YPEL5: variants seen among roughly 807,000 people sequenced by gnomAD.
The protein encoded by YPEL5 is protein yippee-like 5.
A neutral mutation model predicts 10.5 loss-of-function variants in YPEL5; 1 was observed. The ratio of observed to expected loss-of-function variants is 0.10; its 90% CI spans 0.03 to 0.45. YPEL5 has a LOEUF of 0.45. Among genes scored for constraint, YPEL5 ranks in the 20% least tolerant of loss-of-function variants. The probability of loss-of-function intolerance (pLI) is 0.97; values close to 1 mark genes in which losing one functional copy is unlikely to be tolerated. For synonymous variants in YPEL5, 61 were observed against 56.6 expected (o/e 1.08, Z -0.35); for missense variants, 68 against 159.3 (o/e 0.43, Z 3.09).
chr2:30,155,601 A>G (rs186186553), intron 1 of YPEL5, among the ~76,000 whole-genome samples: 1 of 152,378 alleles, frequency 6.6e-6, no homozygotes, highest in South Asian at 2.1e-4. Context: ...ATTCTTGACT[A>G]TATCTAGATC....
chr2:30,156,408 G>T, intron 1 of YPEL5: 1 of 437,988 alleles, frequency 2.3e-6, no homozygotes, highest in Non-Finnish European at 4.1e-6. Flanking sequence ...TACTTCCTTG[G>T]CTCACTGCTT....
At chr2:30,152,911 GT>G (rs1675874268) in intron 1 of YPEL5, among the ~76,000 whole-genome samples, 4 of 74,670 alleles carry the variant, frequency 5.4e-5, no homozygotes, top group Admixed American at 1.4e-4. Context: ...TTTTTTTTTG[GT>G]TTTTTTGAGA....
intron 1 of YPEL5, among the ~76,000 whole-genome samples, chr2:30,150,147 T>G (rs1675715406): frequency 6.6e-6 from 1 of 152,252 alleles, no homozygotes; most frequent in Non-Finnish European, 1.5e-5. Context: ...TATCACCTGG[T>G]TGCTTAGCTT....
chr2:30,156,163 CTCT>C (rs550094008), intron 1 of YPEL5, among the ~76,000 whole-genome samples: 97 of 152,336 alleles, frequency 6.4e-4, no homozygotes, highest in African/African-American at 1.6e-3. Context: ...CCAGACTACT[CTCT>C]TCTTGTTTTC....
chr2:30,158,861 C>T lies in YPEL5; in HGVS notation c.*18C>T, dbSNP rs778026286. On this transcript the variant is annotated 3_prime_UTR_variant, in exon 3 of 3. Transcript: ENST00000261353. The stretch of plus-strand genomic sequence containing the variant: ...ACTCTTGAAGATACAGAGAGAAATC[C>T]ATCTTTTCCCAGGTCTCCTTCACTG... The T allele has an allele frequency of 5.0e-6, 8 of 1,610,910 alleles. No homozygotes were observed. Among genetic ancestry groups the T allele is most frequent in the Non-Finnish European group, 6.8e-6 (8 of 1,177,572 alleles).
chr2:30,152,004 C>G (rs762881261), intron 1 of YPEL5, among the ~76,000 whole-genome samples: 1 of 152,102 alleles, frequency 6.6e-6, no homozygotes, highest in Non-Finnish European at 1.5e-5. Flanking sequence ...GGTATTGGCT[C>G]CAGGCTGGTG....
intron 1 of YPEL5, among the ~76,000 whole-genome samples, chr2:30,152,441 AT>A (rs1675843073): frequency 6.6e-6 from 1 of 152,194 alleles, no homozygotes; most frequent in South Asian, 2.1e-4. Context: ...TCCAAAAGTG[AT>A]TTAGGAAGTC....
Position 30,159,157 on chromosome 2 carries a change from A to G in YPEL5, c.*314A>G, listed in dbSNP as rs1676171965. 7.7e-6 allele frequency: 2 copies of G among 259,324 alleles called. No homozygotes were observed. Among genetic ancestry groups the G allele is most frequent in the Non-Finnish European group, 1.5e-5 (2 of 135,724 alleles). 16.1% of individuals were successfully genotyped at this position (259,324 alleles called of 1,614,324 possible). A position where few individuals can be genotyped will look rare whatever the true frequency, so the allele number is the denominator to read the frequency against. ...TAAGGAAAAAAATCTGGGCTGTTAG[A>G]GTGAAAAAGTGTGTTTTATGTCAAT... On this transcript the variant is annotated 3_prime_UTR_variant, in exon 3 of 3. Coordinates refer to ENST00000261353, the MANE Select transcript of YPEL5 (RefSeq NM_016061.3).
chr2:30,149,388 A>G (rs56114640), intron 1 of YPEL5, among the ~76,000 whole-genome samples: 2,665 of 152,326 alleles, frequency 0.017, 31 homozygotes, highest in South Asian at 0.035. Flanking sequence ...GCAAGAGGAA[A>G]GCAGAGCTTG....
At chr2:30,155,657 C>A (rs972027265) in intron 1 of YPEL5, among the ~76,000 whole-genome samples, 1 of 152,198 alleles carries the variant, frequency 6.6e-6, no homozygotes, top group African/African-American at 2.4e-5. Flanking sequence ...GATTTAAGAA[C>A]TTGCATATAG....
At chr2:30,158,377 G>A (rs1253314010) in intron 2 of YPEL5, among the ~76,000 whole-genome samples, 1 of 152,156 alleles carries the variant, frequency 6.6e-6, no homozygotes, top group African/African-American at 2.4e-5. Context: ...TGTTTAAATA[G>A]TGTGACTTAG....
chr2:30,153,692 T>C (rs1377299421), intron 1 of YPEL5, among the ~76,000 whole-genome samples: 6 of 152,264 alleles, frequency 3.9e-5, no homozygotes, highest in African/African-American at 1.2e-4. Context: ...TGCTAGATCC[T>C]GTGGCATTCT....
chr2:30,157,732 A>G (rs1425832797), intron 2 of YPEL5, among the ~76,000 whole-genome samples: 1 of 152,260 alleles, frequency 6.6e-6, no homozygotes, highest in Non-Finnish European at 1.5e-5. Context: ...TTAGAAGATC[A>G]GATGAACTTC....
chr2:30,156,815 C>T (rs1377511281), intron 2 of YPEL5, 23 bp downstream of exon 2: 21 of 1,613,582 alleles, frequency 1.3e-5, no homozygotes, highest in Non-Finnish European at 1.8e-5. Context: ...AAGTTTGATT[C>T]CTAAGTGGGC....
rs1676226024 is a variant in YPEL5, at chr2:30,160,381, C to G, written c.*1538C>G. 1 of 152,232 alleles carries G rather than the reference C, an allele frequency of 6.6e-6. No homozygotes were observed. Among genetic ancestry groups the G allele is most frequent in the South Asian group, 2.1e-4 (1 of 4,834 alleles). The allele number at this position is 152,232 out of a possible 1,614,324, so 9.4% of individuals were successfully genotyped here. On this transcript the variant is annotated 3_prime_UTR_variant, in exon 3 of 3. Transcript: ENST00000261353. ...TTTGAAATAAGTGGACACAAACTAT[C>G]CTTTCTCCACCATGGACTCAATCTG...
chr2:30,151,808 A>G (rs1675806071), intron 1 of YPEL5, among the ~76,000 whole-genome samples: 1 of 152,234 alleles, frequency 6.6e-6, no homozygotes, highest in Non-Finnish European at 1.5e-5. Flanking sequence ...CCCAGAATCA[A>G]CACCAAACAT....
chr2:30,147,242 G>A (rs1675455357), intron 1 of YPEL5, among the ~76,000 whole-genome samples, 180 bp downstream of exon 1: 1 of 152,016 alleles, frequency 6.6e-6, no homozygotes, highest in Non-Finnish European at 1.5e-5. Flanking sequence ...CTTCAGGGTG[G>A]GCCCCGGCGC....
rs1206626394 is a variant in YPEL5, at chr2:30,159,254, G to C, written c.*411G>C. 1 of 176,910 alleles carries C rather than the reference G, an allele frequency of 5.7e-6. No homozygotes were observed. Among genetic ancestry groups the C allele is most frequent in the African/African-American group, 2.4e-5 (1 of 41,632 alleles). The allele number at this position is 176,910 out of a possible 1,614,324, so 11.0% of individuals were successfully genotyped here. Reference sequence around the variant, plus strand: ...TTTTAAACTTTTTTTTTTAAACCCAGTTATTTCACTTGATTTGCTAGCTTC... The same window carrying C: ...TTTTAAACTTTTTTTTTTAAACCCACTTATTTCACTTGATTTGCTAGCTTC... On this transcript the variant is annotated 3_prime_UTR_variant, in exon 3 of 3. Transcript: ENST00000261353.
intron 1 of YPEL5, among the ~76,000 whole-genome samples, chr2:30,154,787 G>A (rs1675963237): frequency 6.6e-6 from 1 of 152,144 alleles, no homozygotes; most frequent in African/African-American, 2.4e-5. Context: ...CACCCAGGCT[G>A]GAATGCAGTG....
Sources: allele counts gnomAD v4.1 joint callset (sites outside exome capture counted in the v4.1 genomes callset), GRCh38; gene constraint gnomAD v4.1.1; transcripts MANE v1.5; gene names NCBI Gene and HGNC (gene_info 2026-07-23, HGNC 2026-07-21).